GAREM1: variants seen among roughly 807,000 people sequenced by gnomAD.
GAREM1 encodes GRB2 associated regulator of MAPK1 subtype 1, also known as GRB2-associated and regulator of MAPK protein 1.
A neutral mutation model predicts 71.3 loss-of-function variants in GAREM1; 26 were observed. That is an observed-to-expected ratio of 0.36 (90% confidence interval 0.27 to 0.51). GAREM1 has a LOEUF of 0.51. Among genes scored for constraint, GAREM1 ranks in the 20% least tolerant of loss-of-function variants. The pLI, the probability that GAREM1 is intolerant of heterozygous loss-of-function variation, is 0.95. For synonymous variants in GAREM1, 440 were observed against 433.2 expected, an observed-to-expected ratio of 1.02 and a Z score of -0.20; for missense variants, 1,026 against 1,103.1, an observed-to-expected ratio of 0.93 and a Z score of 0.99.
chr18:32,434,360 C>T (rs574474230), intron 1 of GAREM1, among the ~76,000 whole-genome samples: 2 of 152,048 alleles, frequency 1.3e-5, no homozygotes, highest in Non-Finnish European at 2.9e-5. Context: ...AAGCCTAGGG[C>T]TGTCACTAGT....
intron 2 of GAREM1, among the ~76,000 whole-genome samples, chr18:32,391,907 G>A (rs890382797): frequency 3.0e-4 from 46 of 151,948 alleles, no homozygotes; most frequent in African/African-American, 1.0e-3. Context: ...AAGATTCCCA[G>A]GAATCAAAAA....
At chr18:32,432,250 T>C (rs1249630146) in intron 1 of GAREM1, among the ~76,000 whole-genome samples, 1 of 152,102 alleles carries the variant, frequency 6.6e-6, no homozygotes, top group Non-Finnish European at 1.5e-5. Flanking sequence ...TAGTGTCTTA[T>C]GGGATACTAC....
chr18:32,355,803 C>T (rs1032492307), intron 2 of GAREM1, among the ~76,000 whole-genome samples: 1 of 152,062 alleles, frequency 6.6e-6, no homozygotes, highest in Non-Finnish European at 1.5e-5. Flanking sequence ...TATAAGCCCA[C>T]CAAACCGAAC....
chr18:32,424,736 A>G (rs555968304), intron 1 of GAREM1, among the ~76,000 whole-genome samples: 2 of 152,350 alleles, frequency 1.3e-5, no homozygotes, highest in South Asian at 4.1e-4. Context: ...TTATATTGCT[A>G]TCAACATATA....
intron 2 of GAREM1, among the ~76,000 whole-genome samples, chr18:32,336,030 A>G (rs1229037411): frequency 1.3e-5 from 2 of 152,198 alleles, no homozygotes; most frequent in Non-Finnish European, 2.9e-5. Context: ...GTCCAGCTCT[A>G]TTTATTATTA....
intron 3 of GAREM1, among the ~76,000 whole-genome samples, chr18:32,302,807 T>C (rs1411924198): frequency 6.6e-6 from 1 of 152,184 alleles, no homozygotes; most frequent in East Asian, 1.9e-4. Flanking sequence ...GATTCAATCA[T>C]TCCACATTGT....
chr18:32,314,082 CAA>C (rs201650398), intron 2 of GAREM1, among the ~76,000 whole-genome samples: 2 of 146,054 alleles, frequency 1.4e-5, no homozygotes, highest in African/African-American at 5.1e-5. Flanking sequence ...TACTTTTTGA[CAA>C]AAAAAGTTTT....
At chr18:32,278,190 A>G (rs2041567328) in intron 4 of GAREM1, among the ~76,000 whole-genome samples, 1 of 152,126 alleles carries the variant, frequency 6.6e-6, no homozygotes, top group Admixed American at 6.6e-5. Flanking sequence ...GCCTTTTGGG[A>G]AAAAAATCAA....
intron 2 of GAREM1, among the ~76,000 whole-genome samples, chr18:32,335,857 G>T (rs2047586366): frequency 6.6e-6 from 1 of 152,198 alleles, no homozygotes; most frequent in Admixed American, 6.5e-5. Flanking sequence ...TAATTGATCT[G>T]AAGTTCACAA....
chr18:32,296,391 A>G (rs1168182601), intron 3 of GAREM1, among the ~76,000 whole-genome samples: 1 of 152,238 alleles, frequency 6.6e-6, no homozygotes, highest in East Asian at 1.9e-4. Flanking sequence ...AAACTAAGAA[A>G]TTCACATTAG....
intron 2 of GAREM1, among the ~76,000 whole-genome samples, chr18:32,364,388 G>A (rs2047908795): frequency 1.3e-5 from 2 of 151,666 alleles, no homozygotes; most frequent in African/African-American, 4.8e-5. Flanking sequence ...TGTCTTCACC[G>A]CTCCGCCCCT....
At chr18:32,317,410 AAAGC>A (rs1391429663) in intron 2 of GAREM1, among the ~76,000 whole-genome samples, 9 of 151,404 alleles carry the variant, frequency 5.9e-5, no homozygotes, top group Non-Finnish European at 1.2e-4. Flanking sequence ...AAAAAAAAAA[AAAGC>A]AAAGCAAAGA....
chr18:32,383,839 C>T (rs2048119549), intron 2 of GAREM1, among the ~76,000 whole-genome samples: 1 of 151,898 alleles, frequency 6.6e-6, no homozygotes, highest in African/African-American at 2.4e-5. Context: ...TAATACTATA[C>T]TTTCTGTTTG....
chr18:32,345,290 T>C (rs1013118282), intron 2 of GAREM1, among the ~76,000 whole-genome samples: 1 of 152,180 alleles, frequency 6.6e-6, no homozygotes, highest in African/African-American at 2.4e-5. Context: ...AGACCACTGT[T>C]AGGAAACCAG....
At chr18:32,359,548 T>G (rs565160360) in intron 2 of GAREM1, among the ~76,000 whole-genome samples, 25 of 152,286 alleles carry the variant, frequency 1.6e-4, no homozygotes, top group African/African-American at 6.0e-4. Context: ...GTAACTGCCT[T>G]ACTTTTACAG....
intron 1 of GAREM1, among the ~76,000 whole-genome samples, chr18:32,419,622 T>C (rs943809837): frequency 7.5e-4 from 114 of 152,302 alleles, no homozygotes; most frequent in African/African-American, 2.4e-3. Flanking sequence ...TATGGCACTT[T>C]GTTACAGCAG....
chr18:32,274,755 G>C (rs1405911085), intron 4 of GAREM1, among the ~76,000 whole-genome samples: 3 of 151,992 alleles, frequency 2.0e-5, no homozygotes, highest in Non-Finnish European at 2.9e-5. Flanking sequence ...AGTTCCTGTG[G>C]GCCAGCCCCA....
At chr18:32,446,535 C>A (rs922457385) in intron 1 of GAREM1, among the ~76,000 whole-genome samples, 2 of 152,076 alleles carry the variant, frequency 1.3e-5, no homozygotes, top group Non-Finnish European at 2.9e-5. Flanking sequence ...TAGAGAGAAA[C>A]AAATTCAGAA....
chr18:32,467,784 G>C (rs2049012522), intron 1 of GAREM1, among the ~76,000 whole-genome samples: 1 of 152,152 alleles, frequency 6.6e-6, no homozygotes, highest in African/African-American at 2.4e-5. Context: ...GTGTGCAGAT[G>C]TAAAATGTAC....
Sources: allele counts gnomAD v4.1 joint callset (sites outside exome capture counted in the v4.1 genomes callset), GRCh38; gene constraint gnomAD v4.1.1; transcripts MANE v1.5; gene names NCBI Gene and HGNC (gene_info 2026-07-23, HGNC 2026-07-21).